The following STXBP5 variants were observed in gnomAD, a reference collection of about 807,000 sequenced individuals.
The protein encoded by STXBP5 is syntaxin binding protein 5.
A neutral mutation model predicts 152.4 loss-of-function variants in STXBP5; 50 were observed. The observed-to-expected ratio is 0.33, with a 90% CI of 0.26 to 0.42. The LOEUF is 0.42. Ranked by LOEUF, STXBP5 falls within the 10% of genes least tolerant of loss-of-function variation. The pLI is 1.00. For synonymous variants in STXBP5, 492 were observed against 494.7 expected (o/e 0.99, Z 0.07); for missense variants, 1,167 against 1,388.6 (o/e 0.84, Z 2.54).
intron 8 of STXBP5, among the ~76,000 whole-genome samples, chr6:147,287,732 C>T (rs1562463646): frequency 6.6e-6 from 1 of 152,158 alleles, no homozygotes; most frequent in Non-Finnish European, 1.5e-5. Flanking sequence ...GCTGCAGCTA[C>T]CATCTTTGTA....
chr6:147,274,659 C>G (rs1158781844), intron 7 of STXBP5, among the ~76,000 whole-genome samples: 1 of 151,922 alleles, frequency 6.6e-6, no homozygotes, highest in African/African-American at 2.4e-5. Context: ...AATAAAACTA[C>G]AGAGTATTTT....
chr6:147,256,645 T>A (rs1232076209), intron 4 of STXBP5, among the ~76,000 whole-genome samples: 2 of 152,156 alleles, frequency 1.3e-5, no homozygotes, highest in Non-Finnish European at 2.9e-5. Flanking sequence ...CTTGTGGCAG[T>A]TTAGAATGGA....
chr6:147,322,000 A>C (rs1173184056), intron 16 of STXBP5, among the ~76,000 whole-genome samples: 1 of 152,158 alleles, frequency 6.6e-6, no homozygotes, highest in Non-Finnish European at 1.5e-5. Context: ...TACTAACTAA[A>C]ATAAGAATTC....
chr6:147,386,497 G>A lies in STXBP5; in HGVS notation c.*1742G>A, dbSNP rs538795833. 1 of 151,224 alleles carries A rather than the reference G, an allele frequency of 6.6e-6. No homozygotes were observed. The highest frequency in any genetic ancestry group is 6.6e-5 in the Admixed American group (1 of 15,120). 9.4% of individuals were successfully genotyped at this position (151,224 alleles called of 1,614,324 possible). A position where few individuals can be genotyped will look rare whatever the true frequency, so the allele number is the denominator to read the frequency against. On this transcript the variant is annotated 3_prime_UTR_variant, in exon 28 of 28. Transcript: ENST00000321680. The stretch of plus-strand genomic sequence containing the variant: ...TCAAAGTTTACTTTAAATATCATTT[G>A]GTAGGGACTAAATGTGTGTGATAGA...
At chr6:147,271,675 A>G (rs920020710) in intron 7 of STXBP5, among the ~76,000 whole-genome samples, 2 of 152,158 alleles carry the variant, frequency 1.3e-5, no homozygotes, top group Non-Finnish European at 2.9e-5. Flanking sequence ...GTATTAGAAA[A>G]CAAGAATGGT....
At chr6:147,207,635 C>T (rs995772707) in intron 2 of STXBP5, among the ~76,000 whole-genome samples, 1 of 152,082 alleles carries the variant, frequency 6.6e-6, no homozygotes, top group Non-Finnish European at 1.5e-5. Context: ...ACTAGTACAG[C>T]GTTGGATCTA....
Position 147,383,433 on chromosome 6 carries a change from G to A in STXBP5, c.3414+435G>A, listed in dbSNP as rs144183498. Among the ~76,000 whole-genome samples the A allele has an allele frequency of 1.3e-3, 196 of 152,128 alleles. 1 individual carries two copies. The highest frequency in any genetic ancestry group is 4.1e-3 in the African/African-American group (169 of 41,526). On this transcript the variant is annotated intron_variant, in intron 27 of 27. Coordinates refer to ENST00000321680, the MANE Select transcript of STXBP5 (RefSeq NM_001127715.4). The stretch of plus-strand genomic sequence containing the variant: ...TTTAAATAAACAATACTAAGTCCGC[G>A]TTGTGGACCAATTCATATGGAGGAG...
intron 8 of STXBP5, among the ~76,000 whole-genome samples, chr6:147,287,363 C>T (rs1355785624): frequency 1.3e-5 from 2 of 151,032 alleles, no homozygotes; most frequent in South Asian, 2.1e-4. Context: ...CCACTACGCC[C>T]GGCTAATTTT....
intron 25 of STXBP5, among the ~76,000 whole-genome samples, chr6:147,366,666 A>G (rs1374068467): frequency 5.3e-5 from 8 of 152,338 alleles, no homozygotes; most frequent in African/African-American, 1.9e-4. Context: ...ATTATAACCC[A>G]TTCAGTAGTC....
intron 4 of STXBP5, among the ~76,000 whole-genome samples, chr6:147,242,222 T>C (rs1028113239): frequency 2.0e-5 from 3 of 150,570 alleles, no homozygotes; most frequent in Non-Finnish European, 3.0e-5. Context: ...ATTAAACATA[T>C]AAAAAAGCTT....
intron 9 of STXBP5, among the ~76,000 whole-genome samples, chr6:147,294,709 A>G (rs1348452807): frequency 6.6e-6 from 1 of 152,204 alleles, no homozygotes; most frequent in African/African-American, 2.4e-5. Flanking sequence ...GATATCACAT[A>G]TGATGGTTCA....
At position 147,221,976 on chromosome 6, in the gene STXBP5, T is replaced by G. The variant is rs190200295; in HGVS notation, c.249-13274T>G. On this transcript the variant is annotated intron_variant, in intron 2 of 27. Transcript: ENST00000321680. ...TTTTTTTTCTCTTTGCTTTTCAATTTTGGACATTTCTGTTGAGGTATCCTC... is the reference window on the plus strand; with the variant it reads ...TTTTTTTTCTCTTTGCTTTTCAATTGTGGACATTTCTGTTGAGGTATCCTC... 2.6e-5 allele frequency among the ~76,000 whole-genome samples: 4 copies of G among 152,272 alleles called. No individual in the cohort carries two copies. The East Asian group carries it at 7.7e-4, about 29-fold the overall frequency.
At chr6:147,236,449 G>A (rs1182607860) in intron 3 of STXBP5, among the ~76,000 whole-genome samples, 1 of 152,108 alleles carries the variant, frequency 6.6e-6, no homozygotes, top group African/African-American at 2.4e-5. Flanking sequence ...GAGAGAGTCT[G>A]TGTACCCTTC....
At chr6:147,209,237 A>T (rs1463776257) in intron 2 of STXBP5, among the ~76,000 whole-genome samples, 2 of 152,172 alleles carry the variant, frequency 1.3e-5, no homozygotes, top group African/African-American at 4.8e-5. Context: ...TTAAAAATGA[A>T]TTGTCAAATT....
At chr6:147,295,558 G>T (rs1231238696) in intron 9 of STXBP5, among the ~76,000 whole-genome samples, 1 of 152,150 alleles carries the variant, frequency 6.6e-6, no homozygotes, top group African/African-American at 2.4e-5. Context: ...AATTCCCCAT[G>T]GAGTATGGCA....
At chr6:147,225,314 A>C (rs1419204972) in intron 2 of STXBP5, among the ~76,000 whole-genome samples, 1 of 152,168 alleles carries the variant, frequency 6.6e-6, no homozygotes, top group Non-Finnish European at 1.5e-5. Context: ...AGAAAATATC[A>C]TGATCCTTAT....
intron 21 of STXBP5, among the ~76,000 whole-genome samples, chr6:147,340,036 G>T (rs1298664268): frequency 6.6e-6 from 1 of 152,008 alleles, no homozygotes; most frequent in Non-Finnish European, 1.5e-5. Flanking sequence ...GGTCACGAAA[G>T]TTCAGATGTT....
At chr6:147,240,959 T>C (rs574592864) in intron 4 of STXBP5, among the ~76,000 whole-genome samples, 5 of 152,158 alleles carry the variant, frequency 3.3e-5, no homozygotes, top group Non-Finnish European at 7.4e-5. Flanking sequence ...AAGTATTTGA[T>C]TGTTAAACAG....
At chr6:147,266,745 G>T (rs1327821361) in intron 6 of STXBP5, among the ~76,000 whole-genome samples, 1 of 152,108 alleles carries the variant, frequency 6.6e-6, no homozygotes, top group Non-Finnish European at 1.5e-5. Context: ...TCAATATATA[G>T]TTGGAATAGA....
Sources: allele counts gnomAD v4.1 joint callset (sites outside exome capture counted in the v4.1 genomes callset), GRCh38; gene constraint gnomAD v4.1.1; transcripts MANE v1.5; gene names NCBI Gene and HGNC (gene_info 2026-07-23, HGNC 2026-07-21).